Variants in SP140L observed in about 807,000 individuals in gnomAD.
The protein encoded by SP140L is nuclear body protein SP140-like protein.
Under a neutral mutation model 84.3 loss-of-function variants are expected in SP140L, and 64 were observed. The ratio of observed to expected loss-of-function variants is 0.76; its 90% CI spans 0.62 to 0.94. The LOEUF is 0.94. Among genes scored for constraint, SP140L ranks in the 40% least tolerant of loss-of-function variants. The pLI is 0.00. For missense variants in SP140L, 628 were observed against 692.5 expected, an observed-to-expected ratio of 0.91 and a Z score of 1.05; for synonymous variants, 242 against 236.9, an observed-to-expected ratio of 1.02 and a Z score of -0.20.
At chr2:230,347,082 T>C (rs2060230187) in intron 2 of SP140L, among the ~76,000 whole-genome samples, 1 of 152,218 alleles carries the variant, frequency 6.6e-6, no homozygotes, top group Non-Finnish European at 1.5e-5. Context: ...GGTCAGCTGG[T>C]AGCATCCATG....
chr2:230,376,898 G>A (rs1579395), intron 7 of SP140L, among the ~76,000 whole-genome samples: 34,983 of 151,948 alleles, frequency 0.23, 4,266 homozygotes, highest in Non-Finnish European at 0.28. Flanking sequence ...TAGGGAACCC[G>A]GAAATAAACT....
chr2:230,381,091 G>T (rs901228052), intron 7 of SP140L, among the ~76,000 whole-genome samples: 1 of 152,032 alleles, frequency 6.6e-6, no homozygotes, highest in Admixed American at 6.6e-5. Flanking sequence ...ACTCACAAGT[G>T]TGTGCTGCAG....
At chr2:230,390,874 G>GCCCA (rs2061773800) in intron 11 of SP140L, among the ~76,000 whole-genome samples, 3 of 152,124 alleles carry the variant, frequency 2.0e-5, no homozygotes, top group African/African-American at 4.8e-5. Context: ...TCAATTAGTA[G>GCCCA]TCAATGCCCA....
intron 2 of SP140L, among the ~76,000 whole-genome samples, chr2:230,343,759 A>G (rs770813514): frequency 1.3e-5 from 2 of 152,108 alleles, no homozygotes; most frequent in African/African-American, 2.4e-5. Context: ...TTGACTTTTT[A>G]ATATAGCCAT....
At chr2:230,358,044 G>A in intron 3 of SP140L, 77 bp downstream of exon 3, 2 of 1,534,680 alleles carry the variant, frequency 1.3e-6, no homozygotes, top group Non-Finnish European at 1.8e-6. Flanking sequence ...CTCCTGTAAA[G>A]TAGAAAAGGA....
rs1393307112 is a variant in SP140L, at chr2:230,403,459, C to G, written c.*563C>G. 6.6e-6 allele frequency: 1 copy of G among 152,482 alleles called. No homozygotes were observed. The highest frequency in any genetic ancestry group is 1.5e-5 in the Non-Finnish European group (1 of 68,256). 9.4% of individuals were successfully genotyped at this position (152,482 alleles called of 1,614,324 possible). Reference sequence around the variant, plus strand: ...CCTCATGAGCCGCCCGCCTTGGCCTCCCAAAGTGCTGGGACGTGACAGGAG... The same window carrying G: ...CCTCATGAGCCGCCCGCCTTGGCCTGCCAAAGTGCTGGGACGTGACAGGAG... On this transcript the variant is annotated 3_prime_UTR_variant, in exon 19 of 19. Coordinates refer to ENST00000415673, the MANE Select transcript of SP140L (RefSeq NM_138402.6).
At chr2:230,336,337 A>T (rs1049893374) in intron 2 of SP140L, among the ~76,000 whole-genome samples, 3 of 152,084 alleles carry the variant, frequency 2.0e-5, no homozygotes, top group African/African-American at 4.8e-5. Context: ...AATTGTCTTT[A>T]TTTTTGCAGC....
chr2:230,386,380 T>C (rs1034087555), intron 9 of SP140L, among the ~76,000 whole-genome samples: 1 of 152,168 alleles, frequency 6.6e-6, no homozygotes, highest in African/African-American at 2.4e-5. Flanking sequence ...TTCCCAACCA[T>C]TGGGACTTGA....
chr2:230,354,853 GAAAGAAA>G, intron 2 of SP140L, among the ~76,000 whole-genome samples: 1 of 53,030 alleles, frequency 1.9e-5, no homozygotes, highest in African/African-American at 6.6e-5. Flanking sequence ...AGAAAGGAAA[GAAAGAAA>G]GAAAGAAAGA....
At chr2:230,372,146 G>A (rs934463631) in intron 7 of SP140L, 61 of 157,748 alleles carry the variant, frequency 3.9e-4, no homozygotes, top group South Asian at 1.9e-4. Flanking sequence ...AGTAAGACCC[G>A]TGTCACACTT....
intron 2 of SP140L, among the ~76,000 whole-genome samples, chr2:230,340,103 C>G (rs1217471816): frequency 6.7e-6 from 1 of 149,460 alleles, no homozygotes; most frequent in Non-Finnish European, 1.5e-5. Flanking sequence ...TTAAAGTCTC[C>G]CATTATTAAT....
intron 5 of SP140L, among the ~76,000 whole-genome samples, chr2:230,367,227 G>C (rs564006540): frequency 6.7e-6 from 1 of 150,208 alleles, no homozygotes; most frequent in East Asian, 2.0e-4. Flanking sequence ...CAAAAACTCT[G>C]TACTGTACTT....
chr2:230,392,052 A>G, intron 11 of SP140L, 35 bp from the exon 12 acceptor site: 1 of 1,612,822 alleles, frequency 6.2e-7, no homozygotes, highest in South Asian at 1.1e-5. Context: ...CTGGGAACAA[A>G]GAGGGCTCAG....
intron 7 of SP140L, among the ~76,000 whole-genome samples, chr2:230,375,629 A>C (rs905257022): frequency 6.6e-6 from 1 of 152,036 alleles, no homozygotes; most frequent in African/African-American, 2.4e-5. Context: ...TTTGAGTTAC[A>C]TTTCTCTCAT....
intron 2 of SP140L, among the ~76,000 whole-genome samples, chr2:230,343,960 C>CT (rs934330227): frequency 6.6e-6 from 1 of 152,120 alleles, no homozygotes; most frequent in African/African-American, 2.4e-5. Context: ...CAACTTTTGA[C>CT]TAAGTGCTGT....
intron 2 of SP140L, among the ~76,000 whole-genome samples, chr2:230,356,325 T>C (rs557310523): frequency 6.6e-6 from 1 of 152,232 alleles, no homozygotes; most frequent in Non-Finnish European, 1.5e-5. Flanking sequence ...TTCATACTAG[T>C]CTCAAACTGA....
intron 7 of SP140L, among the ~76,000 whole-genome samples, chr2:230,381,845 C>T (rs1863672): frequency 6.6e-6 from 1 of 151,942 alleles, no homozygotes; most frequent in Non-Finnish European, 1.5e-5. Context: ...TTATGTGAGG[C>T]AAGCAAGTTA....
At chr2:230,359,734 T>A (rs1288956038) in intron 4 of SP140L, among the ~76,000 whole-genome samples, 1 of 152,196 alleles carries the variant, frequency 6.6e-6, no homozygotes, top group Non-Finnish European at 1.5e-5. Context: ...GCCCAGAGTT[T>A]GCCCAGTAAA....
At chr2:230,397,049 T>C (rs2062083498) in intron 14 of SP140L, among the ~76,000 whole-genome samples, 1 of 152,066 alleles carries the variant, frequency 6.6e-6, no homozygotes, top group East Asian at 1.9e-4. Flanking sequence ...TTCCCTTGGG[T>C]AGTGAGTATG....
Sources: allele counts gnomAD v4.1 joint callset (sites outside exome capture counted in the v4.1 genomes callset), GRCh38; gene constraint gnomAD v4.1.1; transcripts MANE v1.5; gene names NCBI Gene and HGNC (gene_info 2026-07-23, HGNC 2026-07-21).